The following ACCS variants were observed in gnomAD, a reference collection of about 807,000 sequenced individuals.
ACCS encodes the protein 1-aminocyclopropane-1-carboxylate synthase-like protein 1.
A neutral mutation model predicts 59.8 loss-of-function variants in ACCS; 42 were observed. The observed-to-expected ratio is 0.70, with a 90% CI of 0.55 to 0.91. ACCS has a LOEUF of 0.91. Among genes scored for constraint, ACCS ranks in the 40% least tolerant of loss-of-function variants. The pLI is 0.00. For missense variants in ACCS, 602 were observed against 630.4 expected, an observed-to-expected ratio of 0.95 and a Z score of 0.48; for synonymous variants, 230 against 240.3, an observed-to-expected ratio of 0.96 and a Z score of 0.40.
chr11:44,067,597 G>T, intron 1 of ACCS, 31 bp from the exon 2 acceptor site: 2 of 1,572,352 alleles, frequency 1.3e-6, no homozygotes, highest in African/African-American at 1.4e-5. Context: ...GAAATCCCTT[G>T]AGCAGGCCTG....
chr11:44,081,812 G>T (rs1953652487), intron 12 of ACCS, among the ~76,000 whole-genome samples: 1 of 152,216 alleles, frequency 6.6e-6, no homozygotes, highest in Admixed American at 6.5e-5. Context: ...TCCAGCTCGG[G>T]TGACAGAGTA....
At chr11:44,078,369 T>A in intron 8 of ACCS, 1 of 284,486 alleles carries the variant, frequency 3.5e-6, no homozygotes, top group Non-Finnish European at 6.5e-6. Context: ...ATCTACTTAA[T>A]TTTTTTTTAC....
intron 12 of ACCS, chr11:44,082,277 A>G (rs1953674795): frequency 6.6e-6 from 1 of 152,118 alleles, no homozygotes; most frequent in African/African-American, 2.4e-5. Context: ...CAACAATCCT[A>G]CTCCTAGATA....
At chr11:44,074,010 G>A (rs1489647819) in intron 4 of ACCS, among the ~76,000 whole-genome samples, 4 of 152,166 alleles carry the variant, frequency 2.6e-5, no homozygotes, top group African/African-American at 9.7e-5. Context: ...GGGCTCAGCG[G>A]CTGAGCAGGA....
At chr11:44,076,887 A>G (rs1565178226) in intron 6 of ACCS, among the ~76,000 whole-genome samples, 3 of 152,214 alleles carry the variant, frequency 2.0e-5, no homozygotes, top group Non-Finnish European at 4.4e-5. Context: ...GTCACATCTT[A>G]TATGGCAGCA....
chr11:44,081,309 T>G lies in ACCS; in HGVS notation c.1100T>G (p.Leu367Arg). The part of the protein sequence containing the change: ...GLVQYQMAQL[L>R]RDRDWINQVY... ...GTCCAGTACCAGATGGCACAGCTGCTCCGGGACCGTGGTGACTGCCTGGGC... is the reference window on the plus strand; with the variant it reads ...GTCCAGTACCAGATGGCACAGCTGCGCCGGGACCGTGGTGACTGCCTGGGC... The change falls in exon 12 of 15, where the codon CTC (leucine) becomes CGC (arginine). Residue 367 changes from leucine (L) to arginine (R), a missense_variant. By Grantham distance (102) the Leu-to-Arg change is moderately radical (BLOSUM62 -2). Transcript: ENST00000263776. 1 of 1,613,970 alleles carries G rather than the reference T, an allele frequency of 6.2e-7. No homozygotes were observed. The highest frequency in any genetic ancestry group is 8.5e-7 in the Non-Finnish European group (1 of 1,179,884).
At chr11:44,078,627 T>C in intron 8 of ACCS, 57 bp from the exon 9 acceptor site, 1 of 1,518,684 alleles carries the variant, frequency 6.6e-7, no homozygotes, top group Non-Finnish European at 9.1e-7. Context: ...CCTTTGACTG[T>C]GTGGCTCTGG....
At chr11:44,068,787 T>A (rs1305113378) in intron 2 of ACCS, among the ~76,000 whole-genome samples, 3 of 152,224 alleles carry the variant, frequency 2.0e-5, no homozygotes, top group Non-Finnish European at 1.5e-5. Context: ...CCTTCAGAAG[T>A]CAGAAAGCTG....
At chr11:44,077,102 G>A (rs1953399985) in intron 6 of ACCS, among the ~76,000 whole-genome samples, 177 bp from the exon 7 acceptor site, 1 of 152,182 alleles carries the variant, frequency 6.6e-6, no homozygotes, top group South Asian at 2.1e-4. Flanking sequence ...AACCATATCA[G>A]GGGCTGATCT....
chr11:44,077,261 G>T lies in ACCS; in HGVS notation c.557-18G>T, dbSNP rs142466101. The T allele has an allele frequency of 1.2e-6, 2 of 1,610,452 alleles. No individual in the cohort carries two copies. Among genetic ancestry groups the T allele is most frequent in the East Asian group, 2.2e-5 (1 of 44,838 alleles). On this transcript the variant is annotated intron_variant, in intron 6 of 14. Coordinates refer to ENST00000263776, the MANE Select transcript of ACCS (RefSeq NM_032592.4). Reference sequence around the variant, plus strand: ...TCTGGCCAGAAAGTGACAGGCCCTCGCCCACTCCTGCCCCCAGAGGCTTTC... The same window carrying T: ...TCTGGCCAGAAAGTGACAGGCCCTCTCCCACTCCTGCCCCCAGAGGCTTTC...
At position 44,077,149 on chromosome 11, in the gene ACCS, A is replaced by G. The variant is rs577779963; in HGVS notation, c.557-130A>G. The G allele has an allele frequency of 2.3e-5, 23 of 1,002,882 alleles. No homozygotes were observed. The African/African-American group carries it at 3.8e-4, about 16-fold the overall frequency. The allele number at this position is 1,002,882 out of a possible 1,614,324, so 62.1% of individuals were successfully genotyped here. A position where few individuals can be genotyped will look rare whatever the true frequency, so the allele number is the denominator to read the frequency against. ...AGCTTTCCAAAGTGTTTTGGGAGTT[A>G]AGAGTGCAAGTATGCCCCAAACGGT... On this transcript the variant is annotated intron_variant, in intron 6 of 14. Coordinates refer to ENST00000263776, the MANE Select transcript of ACCS (RefSeq NM_032592.4).
At position 44,067,931 on chromosome 11, in the gene ACCS, C is replaced by T. The variant is rs1031907002; in HGVS notation, c.288+16C>T. 1 of 1,580,422 alleles carries T rather than the reference C, an allele frequency of 6.3e-7. No individual in the cohort carries two copies. The highest frequency in any genetic ancestry group is 8.6e-7 in the Non-Finnish European group (1 of 1,164,188). On this transcript the variant is annotated intron_variant, in intron 2 of 14. Transcript: ENST00000263776. The stretch of plus-strand genomic sequence containing the variant: ...GAACCCCAGTGTGAGTGAAGCTCCC[C>T]TCCCACTGGGACCCAAGAGAGAACT...
At chr11:44,068,003 G>T (rs1952871475) in intron 2 of ACCS, 88 bp downstream of exon 2, 3 of 1,408,962 alleles carry the variant, frequency 2.1e-6, no homozygotes, top group African/African-American at 1.5e-5. Context: ...CATCCAGCCT[G>T]CTCTTATGAG....
intron 7 of ACCS, 138 bp from the exon 8 acceptor site, chr11:44,077,707 G>A: frequency 6.8e-7 from 1 of 1,462,038 alleles, no homozygotes; most frequent in Non-Finnish European, 9.0e-7. Context: ...GTAAGAGGGA[G>A]GGACCCCACC....
At position 44,083,983 on chromosome 11, in the gene ACCS, C is replaced by T. The variant is rs1329455699; in HGVS notation, c.*191C>T. The T allele has an allele frequency of 9.5e-6, 12 of 1,260,762 alleles. No individual in the cohort carries two copies. The highest frequency in any genetic ancestry group is 1.1e-5 in the Non-Finnish European group (10 of 943,580). The allele number at this position is 1,260,762 out of a possible 1,614,324, so 78.1% of individuals were successfully genotyped here. ...TCCTTAAGCTGTGGTTCAGCCTGGG[C>T]CCTCCCTCTCTCCTATTAAACAAAA... On this transcript the variant is annotated 3_prime_UTR_variant, in exon 15 of 15. Coordinates refer to ENST00000263776, the MANE Select transcript of ACCS (RefSeq NM_032592.4).
At chr11:44,077,818 T>C (rs1953448611) in intron 7 of ACCS, 27 bp from the exon 8 acceptor site, 2 of 1,610,284 alleles carry the variant, frequency 1.2e-6, no homozygotes, top group African/African-American at 2.7e-5. Context: ...TGAATGTGGC[T>C]GGTGGCTCTG....
chr11:44,073,184 A>C (rs1953143297), intron 3 of ACCS, among the ~76,000 whole-genome samples: 2 of 152,158 alleles, frequency 1.3e-5, no homozygotes, highest in South Asian at 4.1e-4. Context: ...GTGTTGTATA[A>C]AGAATGCCAG....
At chr11:44,083,022 A>T in intron 12 of ACCS, 147 bp from the exon 13 acceptor site, 2 of 1,081,982 alleles carry the variant, frequency 1.8e-6, no homozygotes, top group Non-Finnish European at 2.7e-6. Flanking sequence ...TCCCCTTCGT[A>T]ATCCTTCCCA....
At chr11:44,078,059 A>G (rs1219151108) in intron 8 of ACCS, 137 bp downstream of exon 8, 31 of 1,164,608 alleles carry the variant, frequency 2.7e-5, no homozygotes, top group Non-Finnish European at 3.7e-5. Context: ...GGGTGGTAGC[A>G]CAGAATTATT....
Sources: allele counts gnomAD v4.1 joint callset (sites outside exome capture counted in the v4.1 genomes callset), GRCh38; gene constraint gnomAD v4.1.1; transcripts MANE v1.5; gene names NCBI Gene and HGNC (gene_info 2026-07-23, HGNC 2026-07-21).